The following UPK3A variants were observed in gnomAD, a reference collection of about 807,000 sequenced individuals.
The protein encoded by UPK3A is uroplakin-3a.
A neutral mutation model predicts 27.6 loss-of-function variants in UPK3A; 32 were observed. The observed-to-expected ratio is 1.16, with a 90% CI of 0.87 to 1.55. The LOEUF is 1.55. Ranked by LOEUF, UPK3A falls within the 40% of genes most tolerant of loss-of-function variation. The pLI is 0.00. For missense variants in UPK3A, 370 were observed against 367.9 expected (o/e 1.01, Z -0.05); for synonymous variants, 171 against 163.9 (o/e 1.04, Z -0.33).
Position 45,293,223 on chromosome 22 carries a change from G to T in UPK3A, c.614G>T (p.Ser205Ile), listed in dbSNP as rs1225497417. ...STIDTWPGRR[S>I]GGMIVITSIL... ...ATCGACACGTGGCCAGGCCGGCGGA[G>T]CGGAGGCATGATCGTCATCACTTCC... is the stretch of plus-strand genomic sequence containing the variant. Residue 205 changes from serine (S) to isoleucine (I), a missense_variant, in exon 5 of 6, where the codon AGC becomes ATC. Coordinates refer to ENST00000216211, the MANE Select transcript of UPK3A (RefSeq NM_006953.4). 6.2e-7 allele frequency: 1 copy of T among 1,614,004 alleles called. No homozygotes were observed. The highest frequency in any genetic ancestry group is 8.5e-7 in the Non-Finnish European group (1 of 1,180,046).
In UPK3A at chr22:45,287,263, C is replaced by A. The variant is rs1162041028; in HGVS notation, c.300C>A (p.Tyr100Ter). 2 of 1,614,240 alleles carry A rather than the reference C, an allele frequency of 1.2e-6. No homozygotes were observed. The highest frequency in any genetic ancestry group is 1.7e-5 in the Admixed American group (1 of 60,022). ...LQTEGGRTGP[Y>*]KAVAFDLIPC... ...CAGAGGGTGGGAGGACAGGTCCCTA[C>A]AAAGCTGTGGCCTTTGACCTGATCC... The change falls in exon 3 of 6, where the codon TAC (tyrosine) becomes TAA (stop). Residue 100 changes from tyrosine (Y) to a stop codon, truncating the protein, a stop_gained. Coordinates refer to ENST00000216211, the MANE Select transcript of UPK3A (RefSeq NM_006953.4). LOFTEE classifies it high-confidence loss of function.
intron 4 of UPK3A, among the ~76,000 whole-genome samples, chr22:45,290,730 C>T (rs573343342): frequency 4.6e-5 from 7 of 152,052 alleles, no homozygotes; most frequent in South Asian, 2.1e-4. Context: ...GAGCAGTGGG[C>T]GAGTGAAACT....
In UPK3A at chr22:45,287,305, C is replaced by G. The variant is rs756563610; in HGVS notation, c.342C>G (p.Pro114=). The change falls in exon 3 of 6, where the codon CCC becomes CCG. Residue 114 remains proline, a synonymous_variant. Coordinates refer to ENST00000216211, the MANE Select transcript of UPK3A (RefSeq NM_006953.4). The part of the protein sequence containing the change: ...AFDLIPCSDL[P]SLDAIGDVSK... ...ACCTGATCCCCTGCAGTGACCTGCC[C>G]AGCCTGGATGCCATTGGGGATGTGT... 1 of 1,614,228 alleles carries G rather than the reference C, an allele frequency of 6.2e-7. No individual in the cohort carries two copies. The highest frequency in any genetic ancestry group is 1.3e-5 in the African/African-American group (1 of 75,050).
chr22:45,289,373 A>T (rs1569105043), intron 4 of UPK3A, among the ~76,000 whole-genome samples: 1 of 152,036 alleles, frequency 6.6e-6, no homozygotes, highest in African/African-American at 2.4e-5. Flanking sequence ...CAGGAGATCG[A>T]GACCATCCTG....
At chr22:45,289,502 C>T (rs551869483) in intron 4 of UPK3A, among the ~76,000 whole-genome samples, 77 of 148,656 alleles carry the variant, frequency 5.2e-4, no homozygotes, top group African/African-American at 1.8e-3. Context: ...AGCGTGAACC[C>T]GGGAGGTGGA....
At chr22:45,292,427 G>C (rs2147797375) in intron 4 of UPK3A, among the ~76,000 whole-genome samples, 1 of 152,280 alleles carries the variant, frequency 6.6e-6, no homozygotes, top group East Asian at 1.9e-4. Context: ...CAAGTGGCTG[G>C]CTGCAGTAGG....
chr22:45,293,435 C>T, intron 5 of UPK3A, 122 bp downstream of exon 5: 1 of 1,304,374 alleles, frequency 7.7e-7, no homozygotes, highest in Non-Finnish European at 1.1e-6. Context: ...GGAAGCTACC[C>T]TCTGCCCCGC....
In UPK3A at chr22:45,289,152, T is replaced by G. The variant is rs1203691705; in HGVS notation, c.571+9T>G. Reference sequence around the variant, plus strand: ...CATCCGCACCAACCAGCGTAAGTGGTGGGCAGTGGTGGTGGTGATGCTCAA... The same window carrying G: ...CATCCGCACCAACCAGCGTAAGTGGGGGGCAGTGGTGGTGGTGATGCTCAA... On this transcript the variant is annotated intron_variant, in intron 4 of 5. Coordinates refer to ENST00000216211, the MANE Select transcript of UPK3A (RefSeq NM_006953.4). 6.2e-7 allele frequency: 1 copy of G among 1,613,500 alleles called. No individual in the cohort carries two copies. Among genetic ancestry groups the G allele is most frequent in the Non-Finnish European group, 8.5e-7 (1 of 1,179,740 alleles).
chr22:45,290,403 C>T (rs1204478289), intron 4 of UPK3A, among the ~76,000 whole-genome samples: 1 of 152,158 alleles, frequency 6.6e-6, no homozygotes, highest in East Asian at 1.9e-4. Flanking sequence ...TGCCTGAAGT[C>T]ACACGCGAGT....
At chr22:45,288,118 G>A (rs945571069) in intron 3 of UPK3A, among the ~76,000 whole-genome samples, 9 of 152,134 alleles carry the variant, frequency 5.9e-5, no homozygotes, top group Admixed American at 5.9e-4. Context: ...TGCCAGAGAG[G>A]GAAGGTCACC....
At chr22:45,293,148 T>C (rs560481685) in intron 4 of UPK3A, 33 bp from the exon 5 acceptor site, 3 of 1,611,794 alleles carry the variant, frequency 1.9e-6, no homozygotes, top group Non-Finnish European at 2.5e-6. Context: ...TGGTGCGGTG[T>C]CTGGGAAGTA....
chr22:45,293,759 T>C (rs932706770), intron 5 of UPK3A, among the ~76,000 whole-genome samples: 1 of 152,180 alleles, frequency 6.6e-6, no homozygotes, highest in African/African-American at 2.4e-5. Flanking sequence ...AAGCATTTGC[T>C]TTCGTTGTCA....
chr22:45,286,797 A>G (rs1313968365), intron 2 of UPK3A, among the ~76,000 whole-genome samples: 2 of 152,100 alleles, frequency 1.3e-5, no homozygotes, highest in African/African-American at 2.4e-5. Context: ...AAGGTCACCC[A>G]TCTAGTAAGG....
At chr22:45,291,393 TGTGTGGGTG>T (rs2084159571) in intron 4 of UPK3A, among the ~76,000 whole-genome samples, 1 of 102,216 alleles carries the variant, frequency 9.8e-6, no homozygotes. Flanking sequence ...GTGTGTGTGG[TGTGTGGGTG>T]GTGTGAGAGT....
intron 5 of UPK3A, among the ~76,000 whole-genome samples, chr22:45,295,353 T>C (rs2084187894): frequency 6.6e-6 from 1 of 152,070 alleles, no homozygotes; most frequent in African/African-American, 2.4e-5. Context: ...CTATAAGTTG[T>C]TCACATCATT....
At chr22:45,287,076 G>A in intron 2 of UPK3A, 96 bp from the exon 3 acceptor site, 1 of 1,565,418 alleles carries the variant, frequency 6.4e-7, no homozygotes, top group Non-Finnish European at 8.7e-7. Flanking sequence ...GCACAGAGCT[G>A]GGGCAGAAAG....
chr22:45,287,430 T>A lies in UPK3A; in HGVS notation c.467T>A (p.Leu156Gln), dbSNP rs758968380. 3 of 1,602,720 alleles carry A rather than the reference T, an allele frequency of 1.9e-6. No homozygotes were observed. The highest frequency in any genetic ancestry group is 8.5e-7 in the Non-Finnish European group (1 of 1,174,858). The stretch of plus-strand genomic sequence containing the variant: ...TTCCAGGGCCTCTGTAACGCACCCC[T>A]GTCGGCAGCCACGGAGTACAGGTGG... ...PNFQGLCNAPLSAATEYRFKY... is the reference protein window; with the variant it reads ...PNFQGLCNAPQSAATEYRFKY... Residue 156 changes from leucine (L) to glutamine (Q), a missense_variant, in exon 3 of 6, where the codon CTG becomes CAG. Leu to Gln is a moderately radical substitution (Grantham distance 113, BLOSUM62 -2). Transcript: ENST00000216211.
chr22:45,295,448 C>T (rs1050736449), intron 5 of UPK3A, 112 bp from the exon 6 acceptor site: 8 of 1,195,756 alleles, frequency 6.7e-6, no homozygotes, highest in South Asian at 1.2e-5. Flanking sequence ...TTCATGTCTA[C>T]GAAGACGATA....
chr22:45,286,190 C>T, intron 2 of UPK3A, 94 bp downstream of exon 2: 1 of 1,506,612 alleles, frequency 6.6e-7, no homozygotes, highest in Non-Finnish European at 9.1e-7. Flanking sequence ...CCCTCCATGC[C>T]TGTAGTCGTC....
Sources: allele counts gnomAD v4.1 joint callset (sites outside exome capture counted in the v4.1 genomes callset), GRCh38; gene constraint gnomAD v4.1.1; transcripts MANE v1.5; gene names NCBI Gene and HGNC (gene_info 2026-07-23, HGNC 2026-07-21).